RNF144A: variants seen among roughly 807,000 people sequenced by gnomAD.
The protein encoded by RNF144A is E3 ubiquitin-protein ligase RNF144A.
In RNF144A, 11 loss-of-function variants were observed where a neutral mutation model predicts 38.7. The observed-to-expected ratio is 0.28, with a 90% confidence interval of 0.18 to 0.47. RNF144A has a LOEUF of 0.47. RNF144A is among the 20% of genes least tolerant of loss of function. The probability of loss-of-function intolerance (pLI) is 0.99; values close to 1 mark genes in which losing one functional copy is unlikely to be tolerated. For synonymous variants in RNF144A, 149 were observed against 143.9 expected (o/e 1.04, Z -0.25); for missense variants, 316 against 377.2 (o/e 0.84, Z 1.34).
At position 7,043,717 on chromosome 2, in the gene RNF144A, A is replaced by C. The variant is rs892394962; in HGVS notation, c.*3957A>C. On this transcript the variant is annotated 3_prime_UTR_variant, in exon 9 of 9. Coordinates refer to ENST00000320892, the MANE Select transcript of RNF144A (RefSeq NM_014746.6). Reference sequence around the variant, plus strand: ...AGCATGCCGTCTTGATGTTTAAAAAACCCAGGGTCTCCACCCTTCCTTTGA... The same window carrying C: ...AGCATGCCGTCTTGATGTTTAAAAACCCCAGGGTCTCCACCCTTCCTTTGA... 3.0e-5 allele frequency: 30 copies of C among 985,620 alleles called. No homozygotes were observed. The highest frequency in any genetic ancestry group is 3.6e-5 in the Non-Finnish European group (30 of 829,916). The allele number at this position is 985,620 out of a possible 1,614,324, so 61.1% of individuals were successfully genotyped here.
At chr2:7,013,405 G>T (rs548172202) in intron 3 of RNF144A, among the ~76,000 whole-genome samples, 1 of 152,294 alleles carries the variant, frequency 6.6e-6, no homozygotes, top group South Asian at 2.1e-4. Context: ...TTTTTGCGGG[G>T]AGATGTCAGC....
At chr2:7,060,555 G>C (rs1364264549) in intron 6 of RNF144A, among the ~76,000 whole-genome samples, 2 of 152,152 alleles carry the variant, frequency 1.3e-5, no homozygotes, top group East Asian at 3.8e-4. Context: ...AACCAAAAAT[G>C]AAATGGAGAG....
At chr2:6,973,424 T>C (rs1212222232) in intron 2 of RNF144A, among the ~76,000 whole-genome samples, 1 of 152,208 alleles carries the variant, frequency 6.6e-6, no homozygotes, top group African/African-American at 2.4e-5. Flanking sequence ...TGTAAGGCCC[T>C]CGTATTGCCA....
chr2:7,016,985 G>A (rs1334016943), intron 5 of RNF144A, among the ~76,000 whole-genome samples: 1 of 152,210 alleles, frequency 6.6e-6, no homozygotes. Context: ...AGGAAGCCAG[G>A]GAAGGGGGCC....
At chr2:7,039,349 T>G (rs998404093) in intron 8 of RNF144A, among the ~76,000 whole-genome samples, 3 of 128,684 alleles carry the variant, frequency 2.3e-5, no homozygotes, top group East Asian at 2.3e-4. Context: ...TAGAGAGATG[T>G]ATGATGGTTA....
chr2:7,004,743 C>T (rs1284558281), intron 3 of RNF144A, among the ~76,000 whole-genome samples: 7 of 152,184 alleles, frequency 4.6e-5, no homozygotes, highest in Admixed American at 2.0e-4. Context: ...TACAGGACTT[C>T]GACGTTTCTC....
At chr2:7,026,321 C>T (rs1671889616) in intron 7 of RNF144A, among the ~76,000 whole-genome samples, 1 of 152,172 alleles carries the variant, frequency 6.6e-6, no homozygotes, top group East Asian at 1.9e-4. Context: ...ATGTCACCAT[C>T]TTCTATCCTG....
intron 3 of RNF144A, among the ~76,000 whole-genome samples, chr2:7,009,115 G>T (rs140518880): frequency 6.6e-6 from 1 of 152,320 alleles, no homozygotes; most frequent in African/African-American, 2.4e-5. Flanking sequence ...CCACATGGGT[G>T]ACAGGAGACC....
intron 2 of RNF144A, among the ~76,000 whole-genome samples, chr2:6,969,517 A>C (rs1426999974): frequency 2.0e-5 from 3 of 152,164 alleles, no homozygotes; most frequent in Non-Finnish European, 2.9e-5. Context: ...AGTGTGAGAA[A>C]ATACATTTCT....
rs1169343436 is a variant in RNF144A at position 6,944,055 on chromosome 2, A to G, written c.-12+2908A>G. On this transcript the variant is annotated intron_variant, in intron 2 of 8. Transcript: ENST00000320892. This position sits in a 1 kb window ranked among gnomAD's most constrained non-coding sequence, Gnocchi z 4.7. ...AAGCTGAGAGGGACACAGTGAAAGA[A>G]TGGCTGGAATTGGTATTGTGTGCCA... Among the ~76,000 whole-genome samples, 1 of 152,154 alleles carries G rather than the reference A, an allele frequency of 6.6e-6. No individual in the cohort carries two copies. The highest frequency in any genetic ancestry group is 1.5e-5 in the Non-Finnish European group (1 of 68,014).
rs576237990 is a variant in RNF144A, at chr2:7,063,879, T to C, written c.735-4337T>C. Among the ~76,000 whole-genome samples, 286 of 152,386 alleles carry C rather than the reference T, an allele frequency of 1.9e-3. 2 individuals are homozygous for C. Among genetic ancestry groups the C allele is most frequent in the African/African-American group, 6.6e-3 (276 of 41,594 alleles). On this transcript the variant is annotated intron_variant, in intron 6 of 6. Coordinates refer to the RNF144A transcript ENST00000432850. ...TGCCTTAGTCCATTTTCTGTTGCTA[T>C]AATAGAATACCACATAGTGGATAAT...
At chr2:6,981,592 T>C (rs994654307) in intron 2 of RNF144A, among the ~76,000 whole-genome samples, 1 of 152,228 alleles carries the variant, frequency 6.6e-6, no homozygotes, top group African/African-American at 2.4e-5. Context: ...CTCATCTCCA[T>C]CTGAGACCAC....
At chr2:6,997,668 G>A (rs1669841098) in intron 3 of RNF144A, among the ~76,000 whole-genome samples, 1 of 152,178 alleles carries the variant, frequency 6.6e-6, no homozygotes, top group Non-Finnish European at 1.5e-5. Flanking sequence ...ATAAATGAGT[G>A]TGTGAGGTTT....
intron 2 of RNF144A, among the ~76,000 whole-genome samples, chr2:6,986,021 C>T (rs1486767295): frequency 6.6e-6 from 1 of 152,146 alleles, no homozygotes; most frequent in African/African-American, 2.4e-5. Flanking sequence ...GGTTCTCCTA[C>T]CTGTGTGGAA....
intron 8 of RNF144A, among the ~76,000 whole-genome samples, chr2:7,037,679 A>G (rs1034957818): frequency 1.3e-5 from 2 of 152,264 alleles, no homozygotes; most frequent in African/African-American, 4.8e-5. Flanking sequence ...GTATGCACGT[A>G]CGTGTGCATG....
downstream of RNF144A, among the ~76,000 whole-genome samples, chr2:7,047,889 G>A (rs118128355): frequency 7.2e-5 from 11 of 152,288 alleles, no homozygotes; most frequent in East Asian, 2.1e-3. Context: ...GTGACACCAA[G>A]GATAAGTGGC....
chr2:7,063,988 A>G (rs1674086624), intron 6 of RNF144A, among the ~76,000 whole-genome samples: 1 of 152,218 alleles, frequency 6.6e-6, no homozygotes, highest in Non-Finnish European at 1.5e-5. Context: ...GAGGGTACCC[A>G]TGGTGGAAAG....
In RNF144A at chr2:7,040,865, T is replaced by G; in HGVS notation, c.*1105T>G. Reference sequence around the variant, plus strand: ...AGTTCCAAGTCCTGTTGCTAACCGTTTTGCTCTTGTTGGGGAAAAGAACCT... The same window carrying G: ...AGTTCCAAGTCCTGTTGCTAACCGTGTTGCTCTTGTTGGGGAAAAGAACCT... On this transcript the variant is annotated 3_prime_UTR_variant, in exon 9 of 9. Coordinates refer to ENST00000320892, the MANE Select transcript of RNF144A (RefSeq NM_014746.6). 1.0e-6 allele frequency: 1 copy of G among 985,474 alleles called. No homozygotes were observed. The highest frequency in any genetic ancestry group is 1.7e-5 in the African/African-American group (1 of 57,374). 61.0% of individuals were successfully genotyped at this position (985,474 alleles called of 1,614,324 possible). A position where few individuals can be genotyped will look rare whatever the true frequency, so the allele number is the denominator to read the frequency against.
At chr2:7,022,548 C>G (rs1214713296) in intron 6 of RNF144A, among the ~76,000 whole-genome samples, 1 of 152,192 alleles carries the variant, frequency 6.6e-6, no homozygotes, top group Non-Finnish European at 1.5e-5. Flanking sequence ...GAAATGTCTC[C>G]CCAGGAGACA....
Sources: allele counts gnomAD v4.1 joint callset (sites outside exome capture counted in the v4.1 genomes callset), GRCh38; gene constraint gnomAD v4.1.1; non-coding constraint Gnocchi (gnomAD v3.1); transcripts MANE v1.5; gene names NCBI Gene and HGNC (gene_info 2026-07-23, HGNC 2026-07-21).